Variants in CFAP299 observed in about 807,000 individuals in gnomAD.
CFAP299 encodes cilia and flagella associated protein 299, also known as cilia- and flagella-associated protein 299.
A neutral mutation model predicts 27.0 loss-of-function variants in CFAP299; 21 were observed. That is an observed-to-expected ratio of 0.78 (90% CI 0.55 to 1.12). CFAP299 has a LOEUF of 1.12. CFAP299 is among the 50% of genes most tolerant of loss of function. The pLI, the probability that CFAP299 is intolerant of heterozygous loss-of-function variation, is 0.00. For missense variants in CFAP299, 310 were observed against 276.6 expected (o/e 1.12, Z -0.86); for synonymous variants, 104 against 98.1 (o/e 1.06, Z -0.36).
At chr4:80,753,303 A>G (rs904586984) in intron 3 of CFAP299, among the ~76,000 whole-genome samples, 2 of 152,056 alleles carry the variant, frequency 1.3e-5, no homozygotes, top group African/African-American at 2.4e-5. Context: ...TGAGCATCTT[A>G]GAGATATTAC....
chr4:80,922,487 A>G (rs1010695376), intron 4 of CFAP299, among the ~76,000 whole-genome samples: 1 of 152,048 alleles, frequency 6.6e-6, no homozygotes, highest in Non-Finnish European at 1.5e-5. Flanking sequence ...TGTCCCAGAT[A>G]AAAACCTCAA....
At chr4:80,488,897 G>T (rs1211165752) in intron 2 of CFAP299, among the ~76,000 whole-genome samples, 2 of 152,208 alleles carry the variant, frequency 1.3e-5, no homozygotes, top group Non-Finnish European at 1.5e-5. Flanking sequence ...TCTCCCAGCA[G>T]TATTCAGAGT....
chr4:80,404,699 G>T (rs1297369722), intron 2 of CFAP299, among the ~76,000 whole-genome samples: 1 of 152,136 alleles, frequency 6.6e-6, no homozygotes, highest in Non-Finnish European at 1.5e-5. Flanking sequence ...AGACACTTGG[G>T]TTGCTTCTAT....
chr4:80,690,279 C>A (rs891415716), intron 3 of CFAP299, among the ~76,000 whole-genome samples: 4 of 150,360 alleles, frequency 2.7e-5, no homozygotes, highest in African/African-American at 9.8e-5. Flanking sequence ...CCAAAATTGA[C>A]CACATACTTG....
chr4:80,478,760 A>C (rs1730408750), intron 2 of CFAP299, among the ~76,000 whole-genome samples: 1 of 151,866 alleles, frequency 6.6e-6, no homozygotes, highest in Admixed American at 6.6e-5. Flanking sequence ...TTTGCTGTGA[A>C]AGACATTGTT....
chr4:80,695,210 T>G (rs1466281568), intron 3 of CFAP299, among the ~76,000 whole-genome samples: 2 of 152,302 alleles, frequency 1.3e-5, no homozygotes. Flanking sequence ...TGTTAAATAA[T>G]AGCTAGCATG....
At chr4:80,506,210 G>C (rs1344452690) in intron 2 of CFAP299, among the ~76,000 whole-genome samples, 2 of 151,862 alleles carry the variant, frequency 1.3e-5, no homozygotes, top group Non-Finnish European at 2.9e-5. Flanking sequence ...ATGTTGGTTA[G>C]GTATATCTTA....
At chr4:80,575,475 G>A (rs1320673470) in intron 2 of CFAP299, among the ~76,000 whole-genome samples, 1 of 151,784 alleles carries the variant, frequency 6.6e-6, no homozygotes, top group Non-Finnish European at 1.5e-5. Flanking sequence ...ACAGGCAGGA[G>A]CCACCATGAC....
chr4:80,379,340 A>C (rs371647769), intron 2 of CFAP299, among the ~76,000 whole-genome samples: 7 of 151,932 alleles, frequency 4.6e-5, no homozygotes, highest in African/African-American at 1.7e-4. Context: ...ATCTTTTTGA[A>C]GAACCAGCTT....
intron 4 of CFAP299, among the ~76,000 whole-genome samples, chr4:80,928,101 G>A (rs1198228759): frequency 6.6e-6 from 1 of 152,114 alleles, no homozygotes; most frequent in Non-Finnish European, 1.5e-5. Flanking sequence ...AGAGAAGGAA[G>A]CGTCTCTCCC....
At chr4:80,709,717 T>C (rs1263402908) in intron 3 of CFAP299, among the ~76,000 whole-genome samples, 2 of 152,166 alleles carry the variant, frequency 1.3e-5, no homozygotes, top group African/African-American at 2.4e-5. Flanking sequence ...ACACCTTGCA[T>C]AGGAATTTTG....
At chr4:80,721,123 C>A (rs1450219849) in intron 3 of CFAP299, among the ~76,000 whole-genome samples, 1 of 151,972 alleles carries the variant, frequency 6.6e-6, no homozygotes, top group Non-Finnish European at 1.5e-5. Flanking sequence ...TAACTTGAAG[C>A]AACCTAATAT....
chr4:80,424,482 A>G (rs1217789602), intron 2 of CFAP299, among the ~76,000 whole-genome samples: 1 of 152,226 alleles, frequency 6.6e-6, no homozygotes, highest in Non-Finnish European at 1.5e-5. Flanking sequence ...TATGGGAGGC[A>G]CTGAGGATGA....
chr4:80,597,782 G>T (rs1347667737), intron 3 of CFAP299, among the ~76,000 whole-genome samples: 1 of 151,996 alleles, frequency 6.6e-6, no homozygotes, highest in Non-Finnish European at 1.5e-5. Flanking sequence ...CTGCTTCCAG[G>T]TTCAGGCAAT....
intron 4 of CFAP299, among the ~76,000 whole-genome samples, chr4:80,908,586 C>T (rs1028568422): frequency 4.3e-4 from 65 of 152,152 alleles, no homozygotes; most frequent in Non-Finnish European, 9.3e-4. Context: ...ACATTAGTGT[C>T]ACCAGAAAAC....
At chr4:80,694,503 T>C (rs1308776392) in intron 3 of CFAP299, among the ~76,000 whole-genome samples, 2 of 152,210 alleles carry the variant, frequency 1.3e-5, no homozygotes, top group Admixed American at 1.3e-4. Flanking sequence ...ACTTAACAAA[T>C]ACTCTGAGTA....
At chr4:80,517,027 G>A (rs867892039) in intron 2 of CFAP299, among the ~76,000 whole-genome samples, 14 of 152,288 alleles carry the variant, frequency 9.2e-5, no homozygotes, top group African/African-American at 3.4e-4. Flanking sequence ...TAGTAAATAT[G>A]TATTGAATGA....
At chr4:80,737,383 A>G (rs1010059280) in intron 3 of CFAP299, among the ~76,000 whole-genome samples, 1 of 152,172 alleles carries the variant, frequency 6.6e-6, no homozygotes, top group South Asian at 2.1e-4. Context: ...CTTTAAAAGT[A>G]TGGTAGAATT....
intron 3 of CFAP299, among the ~76,000 whole-genome samples, chr4:80,682,734 C>A (rs1719922204): frequency 6.6e-6 from 1 of 152,134 alleles, no homozygotes; most frequent in South Asian, 2.1e-4. Context: ...GCATTTAATG[C>A]CTATTCCTCT....
Sources: allele counts gnomAD v4.1 joint callset (sites outside exome capture counted in the v4.1 genomes callset), GRCh38; gene constraint gnomAD v4.1.1; transcripts MANE v1.5; gene names NCBI Gene and HGNC (gene_info 2026-07-23, HGNC 2026-07-21).